WDR81: variants seen among roughly 807,000 people sequenced by gnomAD.
WDR81 encodes the protein WD repeat domain 81, also known as WD repeat-containing protein 81.
A neutral mutation model predicts 140.8 loss-of-function variants in WDR81; 92 were observed. The ratio of observed to expected loss-of-function variants is 0.65; its 90% CI spans 0.55 to 0.78. The LOEUF is 0.78. Among genes scored for constraint, WDR81 ranks in the 30% least tolerant of loss-of-function variants. The pLI is 0.00. For missense variants in WDR81, 2,502 were observed against 2,636.4 expected, an observed-to-expected ratio of 0.95 and a Z score of 1.12; for synonymous variants, 1,183 against 1,156.4, an observed-to-expected ratio of 1.02 and a Z score of -0.47.
rs1388651815 is a variant in WDR81, at chr17:1,738,086, T to A, written c.*401T>A. On this transcript the variant is annotated 3_prime_UTR_variant, in exon 10 of 10. Coordinates refer to ENST00000409644, the MANE Select transcript of WDR81 (RefSeq NM_001163809.2). ...CTCAGCCCCCGCTGGGCACTCTCTG[T>A]CCCATCCCTCTAGGACAGGGAAGCT... The A allele has an allele frequency of 2.5e-5, 7 of 277,224 alleles. No individual in the cohort carries two copies. The highest frequency in any genetic ancestry group is 4.8e-5 in the Non-Finnish European group (7 of 144,384). 17.2% of individuals were successfully genotyped at this position (277,224 alleles called of 1,614,324 possible).
Position 1,726,484 on chromosome 17 carries a change from A to G in WDR81, c.1525A>G (p.Met509Val). The change falls in exon 1 of 10, where the codon ATG becomes GTG. Residue 509 changes from methionine to valine, a missense_variant. Met to Val is a conservative substitution (Grantham distance 21). This residue lies in a region of WDR81 where 218 missense variants were observed against 279.6 expected (regional missense o/e 0.78). Transcript: ENST00000409644. The stretch of plus-strand genomic sequence containing the variant: ...TATCTTCCGCTCCATCCACCCCGAC[A>G]TGCCTGACCTGGATGTGCCAGCCTG... ...PSIFRSIHPDMPDLDVPAWCS... is the reference protein window; with the variant it reads ...PSIFRSIHPDVPDLDVPAWCS... 1.3e-6 allele frequency: 2 copies of G among 1,550,470 alleles called. No individual in the cohort carries two copies. Among genetic ancestry groups the G allele is most frequent in the Non-Finnish European group, 1.7e-6 (2 of 1,147,000 alleles).
Position 1,728,188 on chromosome 17 carries a change from G to A in WDR81, c.3229G>A (p.Ala1077Thr). The stretch of plus-strand genomic sequence containing the variant: ...GTCTGGCGTCAGCTTCCACGACCAG[G>A]CTGACCTCCCTGAGACAGAGGACTT... ...YTSGVSFHDQ[A>T]DLPETEDFQA... The change falls in exon 1 of 10, where the codon GCT becomes ACT. Residue 1077 changes from alanine (A) to threonine (T), a missense_variant. Physicochemically the swap from Ala to Thr is moderately conservative, Grantham distance 58. Coordinates refer to ENST00000409644, the MANE Select transcript of WDR81 (RefSeq NM_001163809.2). 6.2e-7 allele frequency: 1 copy of A among 1,605,742 alleles called. No individual in the cohort carries two copies.
Position 1,735,528 on chromosome 17 carries a change from G to A in WDR81, c.5180-44G>A, listed in dbSNP as rs199804614. On this transcript the variant is annotated intron_variant, in intron 7 of 9. Transcript: ENST00000409644. This position sits in a 1 kb window ranked among gnomAD's most constrained non-coding sequence, Gnocchi z 4.2. ...GATTAGAAGCTCCCAGGGCTCTTCC[G>A]TCAGCTGCTGGGACCCCAGATCCAC... The A allele has an allele frequency of 1.4e-4, 209 of 1,537,644 alleles. No homozygotes were observed. Among genetic ancestry groups the A allele is most frequent in the Non-Finnish European group, 1.6e-4 (188 of 1,139,516 alleles).
chr17:1,723,509 G>A (rs1029128624), upstream of WDR81, among the ~76,000 whole-genome samples: 3 of 100,504 alleles, frequency 3.0e-5, no homozygotes, highest in South Asian at 3.1e-4. Flanking sequence ...TCTTTTTGAC[G>A]GAGTCTCGCT....
At chr17:1,729,885 C>T (rs1164051819) in intron 1 of WDR81, among the ~76,000 whole-genome samples, 16 of 151,676 alleles carry the variant, frequency 1.1e-4, no homozygotes, top group Non-Finnish European at 5.9e-5. Context: ...TCGCTTGAAC[C>T]CGGAGGTTCA....
intron 1 of WDR81, among the ~76,000 whole-genome samples, chr17:1,730,133 C>T (rs565087622): frequency 1.1e-4 from 17 of 152,274 alleles, no homozygotes; most frequent in East Asian, 5.8e-4. Context: ...AGAAGACCCA[C>T]GGGCAGGCTA....
intron 4 of WDR81, 70 bp from the exon 5 acceptor site, chr17:1,732,255 T>A: frequency 6.4e-7 from 1 of 1,563,822 alleles, no homozygotes; most frequent in Non-Finnish European, 8.7e-7. Context: ...TAAAAATAAA[T>A]AAAGATTTTG....
chr17:1,734,304 T>A, intron 7 of WDR81, 88 bp downstream of exon 7: 1 of 1,419,026 alleles, frequency 7.0e-7, no homozygotes, highest in Non-Finnish European at 9.2e-7. Flanking sequence ...GGGGCTGTAA[T>A]GCTGCGGAGT....
At chr17:1,731,662 G>T (rs1477613376) in intron 4 of WDR81, among the ~76,000 whole-genome samples, 3 of 152,104 alleles carry the variant, frequency 2.0e-5, no homozygotes, top group East Asian at 1.9e-4. Flanking sequence ...CCAGCACTTT[G>T]GGGGGCCAAG....
chr17:1,733,756 C>A lies in WDR81; in HGVS notation c.4719C>A (p.Asp1573Glu). 1 of 1,612,592 alleles carries A rather than the reference C, an allele frequency of 6.2e-7. No individual in the cohort carries two copies. The change falls in exon 7 of 10, where the codon GAC (aspartate) becomes GAA (glutamate). Residue 1573 changes from aspartate (D) to glutamate (E), a missense_variant. By Grantham distance (45) the Asp-to-Glu change is conservative (BLOSUM62 2). Transcript: ENST00000409644. ...LVGNRIQIPNDSRPENPGPLG... is the reference protein window; with the variant it reads ...LVGNRIQIPNESRPENPGPLG... Reference sequence around the variant, plus strand: ...GGAACCGCATTCAGATCCCCAATGACTCTCGGCCTGAGAACCCCGGACCAC... The same window carrying A: ...GGAACCGCATTCAGATCCCCAATGAATCTCGGCCTGAGAACCCCGGACCAC...
Position 1,727,692 on chromosome 17 carries a change from G to T in WDR81, c.2733G>T (p.Ala911=). Reference sequence around the variant, plus strand: ...TTGCTCTGTGGCAGCAGCTGGGCGCGGTGCTGAAGGACATCACCCCTGAGG... The same window carrying T: ...TTGCTCTGTGGCAGCAGCTGGGCGCTGTGCTGAAGGACATCACCCCTGAGG... ...LVFALWQQLG[A]VLKDITPEGL... is the part of the protein sequence containing the mutation. The change falls in exon 1 of 10, where the codon GCG becomes GCT. Residue 911 remains alanine, a synonymous_variant. Transcript: ENST00000409644. The T allele has an allele frequency of 6.4e-7, 1 of 1,550,468 alleles. No homozygotes were observed. The highest frequency in any genetic ancestry group is 8.7e-7 in the Non-Finnish European group (1 of 1,146,992).
Position 1,734,790 on chromosome 17 carries a change from AAAG to A in WDR81, c.5179+582_5179+584del, listed in dbSNP as rs1057135780. Among the ~76,000 whole-genome samples the A allele has an allele frequency of 1.2e-4, 19 of 152,156 alleles. No individual in the cohort carries two copies. The South Asian group carries it at 2.9e-3, about 23-fold the overall frequency. On this transcript the variant is annotated intron_variant, in intron 7 of 9. Transcript: ENST00000409644. ...CGAGACTCTGTCTCAAAAAAAAAAA[AAAG>A]AAGAAGATAACACATGTAGGGTTTT...
In WDR81 at chr17:1,732,676, T is replaced by C; in HGVS notation, c.4334T>C (p.Leu1445Pro). ...GTGTCTTGCTCATAGGATCTGAAGC[T>C]GGACCCTGCGGGCCGTGGTGAGGGC... The part of the protein sequence containing the change: ...LHELRQQDLK[L>P]DPAGRGEGQL... The change falls in exon 6 of 10, where the codon CTG (leucine) becomes CCG (proline). Residue 1445 changes from leucine (L) to proline (P), a missense_variant. Leu to Pro is a moderately conservative substitution (Grantham distance 98, BLOSUM62 -3). Around this residue, in one of 3 missense-constraint regions of WDR81, gnomAD observed 1,737 missense variants for 1,843.0 expected, o/e 0.94. Coordinates refer to ENST00000409644, the MANE Select transcript of WDR81 (RefSeq NM_001163809.2). The C allele has an allele frequency of 6.2e-7, 1 of 1,606,254 alleles. No individual in the cohort carries two copies. Among genetic ancestry groups the C allele is most frequent in the Non-Finnish European group, 8.5e-7 (1 of 1,176,072 alleles).
chr17:1,733,480 C>T (rs1273425370), intron 6 of WDR81, 47 bp from the exon 7 acceptor site: 1 of 1,492,374 alleles, frequency 6.7e-7, no homozygotes, highest in African/African-American at 1.4e-5. Context: ...GTGATAGCAG[C>T]CGCCTGCCAT....
chr17:1,717,579 C>A (rs757988096), intron 1 of WDR81, among the ~76,000 whole-genome samples: 5 of 152,188 alleles, frequency 3.3e-5, no homozygotes, highest in Non-Finnish European at 7.3e-5. Context: ...CTGCCTTGCG[C>A]CCCAGTAACA....
intron 1 of WDR81, among the ~76,000 whole-genome samples, chr17:1,719,195 C>G (rs140263126): frequency 1.3e-5 from 2 of 152,288 alleles, no homozygotes; most frequent in East Asian, 3.9e-4. Flanking sequence ...CTACAACATA[C>G]GGTGAATAAG....
At position 1,733,596 on chromosome 17, in the gene WDR81, G is replaced by A; in HGVS notation, c.4559G>A (p.Ser1520Asn). Residue 1520 changes from serine to asparagine, a missense_variant, in exon 7 of 10, where the codon AGC becomes AAC. Around this residue, in one of 3 missense-constraint regions of WDR81, gnomAD observed 1,737 missense variants for 1,843.0 expected, o/e 0.94. Transcript: ENST00000409644. ...VGELAALYLE[S>N]ISPSSRNPAS... ...GAGCTGGCGGCGCTGTACTTGGAGA[G>A]CATCAGCCCCAGCAGTCGCAACCCT... 6.4e-7 allele frequency: 1 copy of A among 1,565,328 alleles called. No homozygotes were observed. The highest frequency in any genetic ancestry group is 8.6e-7 in the Non-Finnish European group (1 of 1,156,484).
At position 1,731,093 on chromosome 17, in the gene WDR81, C is replaced by A. The variant is rs771563753; in HGVS notation, c.3992C>A (p.Pro1331His). The A allele has an allele frequency of 5.0e-6, 8 of 1,612,630 alleles. No individual in the cohort carries two copies. Among genetic ancestry groups the A allele is most frequent in the African/African-American group, 1.3e-5 (1 of 74,920 alleles). ...GTGGCCCCAGGGAGTGCCTCAGGCCCCAGCCGACTGAACAGCCGTAAGGAG... is the reference window on the plus strand; with the variant it reads ...GTGGCCCCAGGGAGTGCCTCAGGCCACAGCCGACTGAACAGCCGTAAGGAG... ...YLVAPGSASG[P>H]SRLNSRKEAG... The change falls in exon 4 of 10, where the codon CCC becomes CAC. Residue 1331 changes from proline to histidine, a missense_variant. Physicochemically the swap from Pro to His is moderately conservative, Grantham distance 77. This residue lies in a region of WDR81 where 1,737 missense variants were observed against 1,843.0 expected (regional missense o/e 0.94). Coordinates refer to ENST00000409644, the MANE Select transcript of WDR81 (RefSeq NM_001163809.2).
rs1226480719 is a variant in WDR81 at position 1,725,491 on chromosome 17, C to T, written c.532C>T (p.Arg178Trp). The change falls in exon 1 of 10, where the codon CGG becomes TGG. Residue 178 changes from arginine to tryptophan, a missense_variant. Around this residue, in one of 3 missense-constraint regions of WDR81, gnomAD observed 547 missense variants for 513.8 expected, o/e 1.06. Transcript: ENST00000409644. ...PSAVPALDSV[R>W]QALQRVYGCS... Reference sequence around the variant, plus strand: ...AGCTGTCCCTGCCTTGGACTCAGTACGGCAGGCTCTGCAGAGGGTCTATGG... The same window carrying T: ...AGCTGTCCCTGCCTTGGACTCAGTATGGCAGGCTCTGCAGAGGGTCTATGG... 1.9e-6 allele frequency: 3 copies of T among 1,547,708 alleles called. No individual in the cohort carries two copies. The highest frequency in any genetic ancestry group is 1.2e-5 in the South Asian group (1 of 84,064).
Sources: gnomAD v4.1 joint callset for allele counts (sites outside exome capture counted in the v4.1 genomes callset) on GRCh38, gnomAD v4.1.1 for gene constraint, gnomAD v4.1.1 regional missense constraint, Gnocchi (gnomAD v3.1) non-coding constraint, MANE v1.5 for transcripts, NCBI Gene and HGNC (gene_info 2026-07-23, HGNC 2026-07-21) for gene names.